SRGAP1: variants seen among roughly 807,000 people sequenced by gnomAD.
The protein encoded by SRGAP1 is SLIT-ROBO Rho GTPase-activating protein 1.
SRGAP1 carries 43 observed loss-of-function variants against 121.9 expected under a neutral mutation model. The ratio of observed to expected loss-of-function variants is 0.35; its 90% CI spans 0.28 to 0.46. The LOEUF (loss-of-function observed/expected upper bound fraction) is 0.46, where lower values mean the gene tolerates loss of function less well. Among genes scored for constraint, SRGAP1 ranks in the 20% least tolerant of loss-of-function variants. SRGAP1 has a pLI of 1.00. For missense variants in SRGAP1, 1,102 were observed against 1,350.9 expected, an observed-to-expected ratio of 0.82 and a Z score of 2.89; for synonymous variants, 447 against 485.4, an observed-to-expected ratio of 0.92 and a Z score of 1.04.
intron 19 of SRGAP1, 38 bp downstream of exon 19, chr12:64,126,195 A>G (rs776105649): frequency 4.4e-6 from 7 of 1,586,266 alleles, no homozygotes; most frequent in African/African-American, 2.7e-5. Context: ...AGTGCTCCCA[A>G]TAGAGGACTC....
chr12:63,913,146 T>A (rs375219356), intron 1 of SRGAP1, among the ~76,000 whole-genome samples: 11 of 150,860 alleles, frequency 7.3e-5, no homozygotes, highest in African/African-American at 2.7e-4. Context: ...CTACCTGGAA[T>A]GCTGTTCTTT....
rs535481391 is a variant in SRGAP1, at chr12:64,045,613, T to C, written c.801+2038T>C. Among the ~76,000 whole-genome samples the C allele has an allele frequency of 7.9e-5, 12 of 152,134 alleles. 2 individuals are homozygous for C. The South Asian group carries it at 1.0e-3, about 13-fold the overall frequency. On this transcript the variant is annotated intron_variant, in intron 6 of 21. Transcript: ENST00000355086. ...ACCACACCCAGCTAATTTTTGTATT[T>C]TTAGTAGAGATGGGGATTTACCATG... is the stretch of plus-strand genomic sequence containing the variant.
chr12:63,901,853 T>A (rs1402507442), intron 1 of SRGAP1, among the ~76,000 whole-genome samples: 1 of 152,262 alleles, frequency 6.6e-6, no homozygotes, highest in African/African-American at 2.4e-5. Context: ...TAGAATTGTT[T>A]AAGCCCTGTA....
At chr12:63,875,803 T>C (rs1335380778) in intron 1 of SRGAP1, among the ~76,000 whole-genome samples, 1 of 152,184 alleles carries the variant, frequency 6.6e-6, no homozygotes, top group Non-Finnish European at 1.5e-5. Flanking sequence ...CTCTGCAATA[T>C]ACAAAGTTTC....
At chr12:63,949,733 G>A (rs879498096) in intron 1 of SRGAP1, among the ~76,000 whole-genome samples, 2 of 152,020 alleles carry the variant, frequency 1.3e-5, no homozygotes, top group Non-Finnish European at 2.9e-5. Flanking sequence ...GTAGAAATGC[G>A]GTAGAGCACA....
chr12:64,059,288 C>A (rs549240286), intron 6 of SRGAP1, among the ~76,000 whole-genome samples: 1 of 152,116 alleles, frequency 6.6e-6, no homozygotes, highest in Non-Finnish European at 1.5e-5. Context: ...AGCTAAGTCT[C>A]GGAATAATGA....
At chr12:64,021,234 A>G (rs2136472595) in intron 4 of SRGAP1, among the ~76,000 whole-genome samples, 1 of 152,344 alleles carries the variant, frequency 6.6e-6, no homozygotes, top group East Asian at 1.9e-4. Context: ...ACATGGTTCC[A>G]CCAGGCTGCA....
intron 3 of SRGAP1, among the ~76,000 whole-genome samples, chr12:63,997,175 C>T (rs902395095): frequency 2.0e-5 from 3 of 151,882 alleles, no homozygotes; most frequent in Non-Finnish European, 4.4e-5. Context: ...AATACAATTA[C>T]AGTATGCAAG....
At chr12:64,114,182 A>C (rs789730) in intron 17 of SRGAP1, among the ~76,000 whole-genome samples, 1,709 of 152,304 alleles carry the variant, frequency 0.011, 32 homozygotes, top group African/African-American at 0.039. Context: ...GTTCAATTCA[A>C]AATATTTACT....
chr12:63,979,919 T>TA (rs2033200799), intron 1 of SRGAP1, among the ~76,000 whole-genome samples: 1 of 152,226 alleles, frequency 6.6e-6, no homozygotes, highest in African/African-American at 2.4e-5. Flanking sequence ...CCCTTGCACT[T>TA]ACGCTTTCAC....
chr12:63,988,250 T>G (rs1017945976), intron 2 of SRGAP1, among the ~76,000 whole-genome samples: 3 of 152,236 alleles, frequency 2.0e-5, no homozygotes, highest in Non-Finnish European at 4.4e-5. Flanking sequence ...GCATGAAATG[T>G]TCTGAAAGAA....
At chr12:64,013,259 G>A (rs2034302962) in intron 3 of SRGAP1, among the ~76,000 whole-genome samples, 1 of 152,172 alleles carries the variant, frequency 6.6e-6, no homozygotes, top group South Asian at 2.1e-4. Context: ...GGGGTAACAT[G>A]AGGTGCTCCC....
chr12:63,851,303 G>A (rs1223166207), intron 1 of SRGAP1, among the ~76,000 whole-genome samples: 1 of 151,762 alleles, frequency 6.6e-6, no homozygotes, highest in Non-Finnish European at 1.5e-5. Context: ...TTAAAACCAG[G>A]AACTCTGGGC....
chr12:63,852,152 C>T lies in SRGAP1; in HGVS notation c.67+7269C>T, dbSNP rs539768113. Among the ~76,000 whole-genome samples, 5 of 152,078 alleles carry T rather than the reference C, an allele frequency of 3.3e-5. No homozygotes were observed. In the South Asian group the frequency reaches 1.0e-3, roughly 32 times the overall value. On this transcript the variant is annotated intron_variant, in intron 1 of 21. Transcript: ENST00000355086. The stretch of plus-strand genomic sequence containing the variant: ...GGACTATAGGCGCCTGCCATCACGC[C>T]TGATTTTTGTATTTTTTGTAGAGAC...
chr12:63,979,819 G>T (rs2033198296), intron 1 of SRGAP1, among the ~76,000 whole-genome samples: 1 of 152,186 alleles, frequency 6.6e-6, no homozygotes, highest in South Asian at 2.1e-4. Context: ...AGGGGTGGGA[G>T]CCTTAATAGA....
At chr12:64,068,095 G>A (rs2647908) in intron 8 of SRGAP1, among the ~76,000 whole-genome samples, 91,395 of 151,246 alleles carry the variant, frequency 0.6, 28,160 homozygotes, top group South Asian at 0.73. Context: ...CCTGGGCAAC[G>A]TGGTGAAACC....
chr12:64,106,827 G>C (rs963457725), intron 15 of SRGAP1, among the ~76,000 whole-genome samples: 4 of 152,076 alleles, frequency 2.6e-5, no homozygotes, highest in African/African-American at 9.7e-5. Context: ...CTTGTTCATA[G>C]CGTTATATTT....
intron 1 of SRGAP1, among the ~76,000 whole-genome samples, chr12:63,968,328 T>C (rs963999647): frequency 1.3e-5 from 2 of 152,240 alleles, no homozygotes; most frequent in Non-Finnish European, 2.9e-5. Context: ...AATTAGTTAC[T>C]GATATTTAAC....
In SRGAP1 at chr12:64,146,588, A is replaced by AT. The variant is rs2037055798; in HGVS notation, c.*3918dup. ...TTCAAATTTGGGATGATGCTCATTG[A>AT]TTCCTGACCATAGCAGTGAGAGGCC... On this transcript the variant is annotated 3_prime_UTR_variant, in exon 22 of 22. Coordinates refer to ENST00000355086, the MANE Select transcript of SRGAP1 (RefSeq NM_020762.4). The AT allele has an allele frequency of 6.6e-6, 1 of 152,132 alleles. No individual in the cohort carries two copies. The highest frequency in any genetic ancestry group is 1.5e-5 in the Non-Finnish European group (1 of 68,022). 9.4% of individuals were successfully genotyped at this position (152,132 alleles called of 1,614,324 possible). A position where few individuals can be genotyped will look rare whatever the true frequency, so the allele number is the denominator to read the frequency against.
Sources: allele counts gnomAD v4.1 joint callset (sites outside exome capture counted in the v4.1 genomes callset), GRCh38; gene constraint gnomAD v4.1.1; transcripts MANE v1.5; gene names NCBI Gene and HGNC (gene_info 2026-07-23, HGNC 2026-07-21).